Variants in MGAM2 observed in about 807,000 individuals in gnomAD.
The protein encoded by MGAM2 is probable maltase-glucoamylase 2.
A neutral mutation model predicts 96.1 loss-of-function variants in MGAM2; 98 were observed. The observed-to-expected ratio is 1.02, with a 90% CI of 0.87 to 1.21. The LOEUF (loss-of-function observed/expected upper bound fraction) is 1.21. Ranked by LOEUF, MGAM2 falls within the 50% of genes most tolerant of loss-of-function variation. The pLI, the probability that MGAM2 is intolerant of heterozygous loss-of-function variation, is 0.00. For synonymous variants in MGAM2, 749 were observed against 414.8 expected (o/e 1.81, Z -9.79); for missense variants, 2,055 against 1,182.4 (o/e 1.74, Z -10.82).
At chr7:142,163,803 G>A (rs1033650330) in intron 23 of MGAM2, among the ~76,000 whole-genome samples, 9 of 152,072 alleles carry the variant, frequency 5.9e-5, no homozygotes, top group Admixed American at 5.9e-4. Flanking sequence ...TGTAGTTACA[G>A]CTCATTGTGT....
chr7:142,129,481 G>T (rs1302940067), intron 3 of MGAM2, among the ~76,000 whole-genome samples: 1 of 152,048 alleles, frequency 6.6e-6, no homozygotes, highest in East Asian at 1.9e-4. Flanking sequence ...CACCTAAATC[G>T]CACCTTGAAT....
At chr7:142,135,320 A>G (rs899828430) in intron 7 of MGAM2, among the ~76,000 whole-genome samples, 1 of 152,234 alleles carries the variant, frequency 6.6e-6, no homozygotes, top group African/African-American at 2.4e-5. Context: ...AATATTGAAT[A>G]CTATGAATCG....
In MGAM2 at chr7:142,219,875, A is replaced by G; in HGVS notation, c.5364A>G (p.Leu1788=). ...NFKSEPYNQI[L]TIQLTDKTIN... ...TATCTCTTCTTTTCTGGCAGATACT[A>G]ACTATTCAATTGACTGACAAGACTA... The change falls in exon 48 of 48, where the codon CTA becomes CTG. Residue 1788 remains leucine, a synonymous_variant. Coordinates refer to ENST00000477922, the MANE Select transcript of MGAM2 (RefSeq NM_001293626.2). 1 of 698,532 alleles carries G rather than the reference A, an allele frequency of 1.4e-6. No homozygotes were observed. Among genetic ancestry groups the G allele is most frequent in the South Asian group, 1.5e-5 (1 of 66,998 alleles). 43.3% of individuals were successfully genotyped at this position (698,532 alleles called of 1,614,324 possible).
intron 15 of MGAM2, among the ~76,000 whole-genome samples, chr7:142,149,788 G>T (rs1284006108): frequency 1.3e-5 from 2 of 151,846 alleles, no homozygotes; most frequent in Non-Finnish European, 2.9e-5. Context: ...TGATTCACCC[G>T]CCTTGGCCTC....
chr7:142,127,935 C>T (rs374993857), intron 3 of MGAM2, among the ~76,000 whole-genome samples: 93 of 152,174 alleles, frequency 6.1e-4, no homozygotes, highest in African/African-American at 2.0e-3. Flanking sequence ...AATGTGGAAG[C>T]GACTTTGGAA....
At chr7:142,129,876 T>G (rs991884709) in intron 3 of MGAM2, among the ~76,000 whole-genome samples, 10 of 131,856 alleles carry the variant, frequency 7.6e-5, no homozygotes, top group African/African-American at 2.6e-4. Context: ...GAAATTCAGT[T>G]GTAATTGAAT....
chr7:142,207,557 C>G (rs1427785236), intron 45 of MGAM2, among the ~76,000 whole-genome samples: 1 of 152,002 alleles, frequency 6.6e-6, no homozygotes, highest in African/African-American at 2.4e-5. Context: ...TCCCGAGTAG[C>G]TGGGACTACA....
At position 142,148,035 on chromosome 7, in the gene MGAM2, T is replaced by G. The variant is rs1482566338; in HGVS notation, c.1634+462T>G. Among the ~76,000 whole-genome samples the G allele has an allele frequency of 6.6e-6, 1 of 152,092 alleles. No individual in the cohort carries two copies. Among genetic ancestry groups the G allele is most frequent in the African/African-American group, 2.4e-5 (1 of 41,386 alleles). On this transcript the variant is annotated intron_variant, in intron 15 of 47. Coordinates refer to ENST00000477922, the MANE Select transcript of MGAM2 (RefSeq NM_001293626.2). The surrounding 1 kb of genome is among the most constrained non-coding windows in gnomAD (Gnocchi z 4.2). ...GGAAATGCTACACCATATCCTTCTA[T>G]TTCCTTCCCAATGTCCTGCTTGTCT...
Position 142,165,037 on chromosome 7 carries a change from C to T in MGAM2, c.2652+14C>T, listed in dbSNP as rs193078912. The T allele has an allele frequency of 4.5e-5, 31 of 692,898 alleles. No individual in the cohort carries two copies. Among genetic ancestry groups the T allele is most frequent in the Admixed American group, 3.3e-4 (16 of 48,624 alleles). 42.9% of individuals were successfully genotyped at this position (692,898 alleles called of 1,614,324 possible). On this transcript the variant is annotated intron_variant, in intron 24 of 47. Transcript: ENST00000477922. ...GCTTCCACAAAGGTAAGAGATCCTTCCATTCTGCAGGGCCCTTTCCAGAGG... is the reference window on the plus strand; with the variant it reads ...GCTTCCACAAAGGTAAGAGATCCTTTCATTCTGCAGGGCCCTTTCCAGAGG...
In MGAM2 at chr7:142,113,374, C is replaced by G. The variant is rs369260187; in HGVS notation, c.-1+1567C>G. On this transcript the variant is annotated intron_variant, in intron 1 of 47. Transcript: ENST00000477922. ...AAGGGTTTTTGGTTTATTCAGAGAT[C>G]CATTAAAGGCTTGAATATAGGAGAT... Among the ~76,000 whole-genome samples, 148 of 152,146 alleles carry G rather than the reference C, an allele frequency of 9.7e-4. 3 individuals carry two copies. In the South Asian group the frequency reaches 0.029, roughly 30 times the overall value.
chr7:142,140,974 T>C (rs1795206499), intron 11 of MGAM2, 41 bp downstream of exon 11: 1 of 691,438 alleles, frequency 1.4e-6, no homozygotes, highest in Non-Finnish European at 2.6e-6. Flanking sequence ...TCCTTTGTAG[T>C]GCAAAAAATT....
chr7:142,123,963 CTTTTTTTTTTTTTTT>C (rs960655956), intron 3 of MGAM2, among the ~76,000 whole-genome samples: 2 of 98,116 alleles, frequency 2.0e-5, no homozygotes, highest in African/African-American at 5.4e-5. Flanking sequence ...AGTCCAGAAA[CTTTTTTTTTTTTTTT>C]TTTTTTTTTT....
intron 15 of MGAM2, among the ~76,000 whole-genome samples, chr7:142,153,600 G>A (rs1231189752): frequency 2.6e-5 from 4 of 152,154 alleles, no homozygotes; most frequent in Admixed American, 6.5e-5. Context: ...AGCTCCCATC[G>A]GAGCAGGTGC....
chr7:142,182,129 G>T (rs915418117), intron 32 of MGAM2, among the ~76,000 whole-genome samples: 1 of 152,096 alleles, frequency 6.6e-6, no homozygotes, highest in African/African-American at 2.4e-5. Context: ...TGAGAGTGGG[G>T]CTCCTCCCCT....
At chr7:142,154,607 G>A (rs549049283) in intron 16 of MGAM2, 122 bp from the exon 17 acceptor site, 2 of 619,270 alleles carry the variant, frequency 3.2e-6, no homozygotes, top group Admixed American at 4.9e-5. Context: ...TGTGACTCTG[G>A]GATCTCCTTA....
intron 45 of MGAM2, among the ~76,000 whole-genome samples, chr7:142,202,563 G>A (rs1307278213): frequency 6.6e-6 from 1 of 152,104 alleles, no homozygotes; most frequent in South Asian, 2.1e-4. Context: ...GTAAGAAAAT[G>A]CATTATTTGG....
chr7:142,215,456 A>T (rs1055051438), intron 46 of MGAM2, among the ~76,000 whole-genome samples: 6 of 150,698 alleles, frequency 4.0e-5, no homozygotes, highest in Admixed American at 4.0e-4. Context: ...TTAAAGTATA[A>T]TTAAAAAAAA....
chr7:142,136,974 G>C (rs772822078), intron 8 of MGAM2, among the ~76,000 whole-genome samples: 1 of 152,066 alleles, frequency 6.6e-6, no homozygotes, highest in Non-Finnish European at 1.5e-5. Flanking sequence ...AGGCAACAAG[G>C]CTGTGTTTTG....
At chr7:142,212,071 A>T (rs1465956972) in intron 46 of MGAM2, among the ~76,000 whole-genome samples, 1 of 152,242 alleles carries the variant, frequency 6.6e-6, no homozygotes, top group Non-Finnish European at 1.5e-5. Flanking sequence ...TCAACCCAGA[A>T]TTTCAAATCC....
Sources: allele counts gnomAD v4.1 joint callset (sites outside exome capture counted in the v4.1 genomes callset), GRCh38; gene constraint gnomAD v4.1.1; non-coding constraint Gnocchi (gnomAD v3.1); transcripts MANE v1.5; gene names NCBI Gene and HGNC (gene_info 2026-07-23, HGNC 2026-07-21).